Variants in PRKCB observed in about 807,000 individuals in gnomAD.
PRKCB encodes the protein protein kinase C beta type.
Under a neutral mutation model 81.5 loss-of-function variants are expected in PRKCB, and 13 were observed. The observed-to-expected ratio is 0.16, with a 90% CI of 0.10 to 0.25. The LOEUF (loss-of-function observed/expected upper bound fraction) is 0.25. Among genes scored for constraint, PRKCB ranks in the 10% least tolerant of loss-of-function variants. The probability of loss-of-function intolerance (pLI) is 1.00; values close to 1 mark genes in which losing one functional copy is unlikely to be tolerated. For missense variants in PRKCB, 509 were observed against 875.7 expected (o/e 0.58, Z 5.29); for synonymous variants, 335 against 321.4 (o/e 1.04, Z -0.45).
At chr16:23,914,994 C>T (rs1280443666) in intron 2 of PRKCB, among the ~76,000 whole-genome samples, 2 of 152,208 alleles carry the variant, frequency 1.3e-5, no homozygotes, top group Non-Finnish European at 2.9e-5. Context: ...TGGATGGGGG[C>T]TGTGAAGCCC....
At chr16:23,963,658 ATG>A (rs1395919107) in intron 2 of PRKCB, 1 of 152,078 alleles carries the variant, frequency 6.6e-6, no homozygotes, top group Admixed American at 6.5e-5. Flanking sequence ...TGCCGAGGTG[ATG>A]TGTCACCAGC....
At position 24,074,001 on chromosome 16, in the gene PRKCB, G is replaced by A. The variant is rs117667255; in HGVS notation, c.530-18790G>A. ...AAAATATTAGCCGGGCGTGGTTGGT[G>A]GCGGGCGCCTGTAGTACCAGCTGCT... is the stretch of plus-strand genomic sequence containing the variant. On this transcript the variant is annotated intron_variant, in intron 5 of 16. Coordinates refer to ENST00000643927, the MANE Select transcript of PRKCB (RefSeq NM_002738.7). 4.8e-3 allele frequency among the ~76,000 whole-genome samples: 736 copies of A among 152,260 alleles called. 18 individuals carry two copies. In the East Asian group the frequency reaches 0.083, roughly 17 times the overall value.
At chr16:24,091,920 C>T (rs1966381793) in intron 5 of PRKCB, among the ~76,000 whole-genome samples, 2 of 152,164 alleles carry the variant, frequency 1.3e-5, no homozygotes, top group Non-Finnish European at 2.9e-5. Flanking sequence ...TGTCTGGGTG[C>T]TGGTTATGGG....
intron 3 of PRKCB, among the ~76,000 whole-genome samples, chr16:23,996,725 G>A (rs190977110): frequency 9.2e-5 from 14 of 152,338 alleles, no homozygotes; most frequent in African/African-American, 3.4e-4. Flanking sequence ...GAGGTGGGCA[G>A]TGAACTCACA....
At chr16:23,842,306 T>G (rs1156445917) in intron 2 of PRKCB, among the ~76,000 whole-genome samples, 2 of 152,140 alleles carry the variant, frequency 1.3e-5, no homozygotes, top group Non-Finnish European at 2.9e-5. Flanking sequence ...AGGGTTATGG[T>G]GAAGAATAAT....
intron 3 of PRKCB, among the ~76,000 whole-genome samples, chr16:24,006,840 G>T (rs371213133): frequency 0.039 from 5,422 of 137,978 alleles, 109 homozygotes; most frequent in Middle Eastern, 0.056. Context: ...GGAGCAGGGG[G>T]TGGGGAGGGG....
At chr16:23,889,580 G>A (rs1963258814) in intron 2 of PRKCB, among the ~76,000 whole-genome samples, 2 of 152,370 alleles carry the variant, frequency 1.3e-5, no homozygotes, top group East Asian at 1.9e-4. Context: ...GTGGGTAGGT[G>A]GGGCCGTATG....
At chr16:24,025,167 G>A (rs531669513) in intron 3 of PRKCB, among the ~76,000 whole-genome samples, 1 of 152,338 alleles carries the variant, frequency 6.6e-6, no homozygotes, top group South Asian at 2.1e-4. Context: ...GTGCTGCACA[G>A]CCCCTTCTAA....
chr16:24,096,890 C>G (rs1041642035), intron 7 of PRKCB, among the ~76,000 whole-genome samples: 38 of 151,338 alleles, frequency 2.5e-4, no homozygotes, highest in Admixed American at 2.4e-3. Context: ...CATTCAGGAC[C>G]TTTTCAGCTT....
chr16:23,892,442 G>T (rs1401445861), intron 2 of PRKCB, among the ~76,000 whole-genome samples: 2 of 152,120 alleles, frequency 1.3e-5, no homozygotes, highest in Non-Finnish European at 2.9e-5. Flanking sequence ...ACCTTGTTTT[G>T]CAAAACCCCA....
rs529415945 is a variant in PRKCB at position 24,028,595 on chromosome 16, A to G, written c.289-3541A>G. Among the ~76,000 whole-genome samples the G allele has an allele frequency of 3.3e-5, 5 of 152,274 alleles. No individual in the cohort carries two copies. The East Asian group carries it at 9.6e-4, about 29-fold the overall frequency. On this transcript the variant is annotated intron_variant, in intron 3 of 16. Coordinates refer to ENST00000643927, the MANE Select transcript of PRKCB (RefSeq NM_002738.7). ...AGAAATGAACCTACACTTGTGTTGA[A>G]CATCTTTGTTTTACCAGAATCCTTT...
At chr16:24,168,629 T>A (rs1345926853) in intron 10 of PRKCB, among the ~76,000 whole-genome samples, 1 of 140,752 alleles carries the variant, frequency 7.1e-6, no homozygotes, top group African/African-American at 2.5e-5. Context: ...TGGCTCACTA[T>A]AGCCTTGAAC....
chr16:23,836,399 C>A (rs1259091756), intron 1 of PRKCB, 51 bp downstream of exon 1: 1 of 1,581,246 alleles, frequency 6.3e-7, no homozygotes, highest in Non-Finnish European at 8.6e-7. Flanking sequence ...GGCAGCGCCG[C>A]GCCAGGGACC....
At chr16:23,911,825 C>CTTTTTTTTTTTTT (rs1567311221) in intron 2 of PRKCB, among the ~76,000 whole-genome samples, 1 of 126,372 alleles carries the variant, frequency 7.9e-6, no homozygotes, top group Non-Finnish European at 1.6e-5. Context: ...GCGCGACCCA[C>CTTTTTTTTTTTTT]ATTTTTTTTT....
intron 7 of PRKCB, among the ~76,000 whole-genome samples, chr16:24,095,502 G>A (rs953883496): frequency 2.6e-5 from 4 of 152,166 alleles, no homozygotes; most frequent in African/African-American, 9.7e-5. Context: ...ATCTCAAAAG[G>A]CCAATCTCAA....
intron 3 of PRKCB, among the ~76,000 whole-genome samples, chr16:24,012,346 T>C (rs1387741486): frequency 6.6e-6 from 1 of 152,214 alleles, no homozygotes; most frequent in East Asian, 1.9e-4. Flanking sequence ...AGAAGTGAAC[T>C]GACTTGCCAG....
intron 2 of PRKCB, among the ~76,000 whole-genome samples, chr16:23,926,232 C>T (rs576395416): frequency 6.6e-6 from 1 of 151,722 alleles, no homozygotes; most frequent in East Asian, 1.9e-4. Flanking sequence ...GATCACACAA[C>T]TGCCCCCCAG....
Position 23,837,277 on chromosome 16 carries a change from G to T in PRKCB, c.174-98G>T, listed in dbSNP as rs1362077239. 6 of 1,479,942 alleles carry T rather than the reference G, an allele frequency of 4.1e-6. No individual in the cohort carries two copies. In the African/African-American group the frequency reaches 4.1e-5, roughly 10 times the overall value. 91.7% of individuals were successfully genotyped at this position (1,479,942 alleles called of 1,614,324 possible). A position where few individuals can be genotyped will look rare whatever the true frequency, so the allele number is the denominator to read the frequency against. On this transcript the variant is annotated intron_variant, in intron 1 of 16. Coordinates refer to ENST00000643927, the MANE Select transcript of PRKCB (RefSeq NM_002738.7). The stretch of plus-strand genomic sequence containing the variant: ...CTGTGGCTGGGAGTTTGCACCTGGG[G>T]TACAGAGGCAGGGAGGAAGGCGGGT...
intron 2 of PRKCB, among the ~76,000 whole-genome samples, chr16:23,906,369 G>A (rs1963561207): frequency 6.6e-6 from 1 of 151,922 alleles, no homozygotes; most frequent in East Asian, 1.9e-4. Flanking sequence ...TCTACTTATT[G>A]ATTTTTAACC....
Sources: gnomAD v4.1 joint callset for allele counts (sites outside exome capture counted in the v4.1 genomes callset) on GRCh38, gnomAD v4.1.1 for gene constraint, MANE v1.5 for transcripts, NCBI Gene and HGNC (gene_info 2026-07-23, HGNC 2026-07-21) for gene names.